Variants in PITPNC1 observed in about 807,000 individuals in gnomAD.
PITPNC1 encodes the protein cytoplasmic phosphatidylinositol transfer protein 1.
Under a neutral mutation model 44.7 loss-of-function variants are expected in PITPNC1, and 18 were observed. The observed-to-expected ratio is 0.40, with a 90% CI of 0.28 to 0.60. PITPNC1 has a LOEUF of 0.60. Among genes scored for constraint, PITPNC1 ranks in the 20% least tolerant of loss-of-function variants. The pLI, the probability that PITPNC1 is intolerant of heterozygous loss-of-function variation, is 0.39. For synonymous variants in PITPNC1, 141 were observed against 149.6 expected (o/e 0.94, Z 0.42); for missense variants, 290 against 418.4 (o/e 0.69, Z 2.68).
At chr17:67,691,964 G>A (rs867235919) in intron 8 of PITPNC1, among the ~76,000 whole-genome samples, 41 of 151,418 alleles carry the variant, frequency 2.7e-4, no homozygotes, top group African/African-American at 9.5e-4. Context: ...AGTCATGATC[G>A]CACCACTGCA....
At chr17:67,478,591 C>A (rs1340564161) in intron 1 of PITPNC1, among the ~76,000 whole-genome samples, 1 of 152,102 alleles carries the variant, frequency 6.6e-6, no homozygotes, top group Non-Finnish European at 1.5e-5. Flanking sequence ...TCTCTTCCAA[C>A]CTTCCTCCCC....
chr17:67,640,685 G>GAAAAAA (rs71139165), intron 6 of PITPNC1, among the ~76,000 whole-genome samples: 1 of 100,212 alleles, frequency 1.0e-5, no homozygotes, highest in Non-Finnish European at 1.9e-5. Flanking sequence ...TGTTGAAAAA[G>GAAAAAA]AAAAAAAAAA....
At chr17:67,528,749 T>G (rs1257566973) in intron 1 of PITPNC1, among the ~76,000 whole-genome samples, 1 of 152,146 alleles carries the variant, frequency 6.6e-6, no homozygotes, top group Non-Finnish European at 1.5e-5. Context: ...CTCCCCAGAG[T>G]CTGAATGGAG....
At chr17:67,532,567 C>T (rs550047903) in intron 1 of PITPNC1, among the ~76,000 whole-genome samples, 5 of 152,158 alleles carry the variant, frequency 3.3e-5, no homozygotes, top group African/African-American at 9.6e-5. Flanking sequence ...GCCACCCGGC[C>T]GAGCATTTGC....
intron 1 of PITPNC1, among the ~76,000 whole-genome samples, chr17:67,436,822 G>C (rs1410322430): frequency 6.8e-6 from 1 of 147,964 alleles, no homozygotes. Context: ...TTTATTGATT[G>C]TCTTCTGTAG....
At chr17:67,652,971 G>T (rs2042225649) in intron 6 of PITPNC1, among the ~76,000 whole-genome samples, 1 of 152,176 alleles carries the variant, frequency 6.6e-6, no homozygotes, top group Non-Finnish European at 1.5e-5. Flanking sequence ...CCAGTATGAT[G>T]GGTGTCCTTA....
At chr17:67,405,044 C>T (rs1023177837) in intron 1 of PITPNC1, among the ~76,000 whole-genome samples, 3 of 152,082 alleles carry the variant, frequency 2.0e-5, no homozygotes, top group East Asian at 3.9e-4. Flanking sequence ...GTCAGGAGTT[C>T]GAGGCTAGCC....
intron 5 of PITPNC1, among the ~76,000 whole-genome samples, chr17:67,620,926 G>A (rs1179763572): frequency 2.0e-5 from 3 of 152,246 alleles, no homozygotes; most frequent in Non-Finnish European, 2.9e-5. Context: ...CTAGAGCCCC[G>A]GCACCAGTAG....
chr17:67,543,627 A>G (rs1325037916), intron 2 of PITPNC1, among the ~76,000 whole-genome samples: 1 of 152,048 alleles, frequency 6.6e-6, no homozygotes, highest in Admixed American at 6.6e-5. Context: ...AGAAATGTCT[A>G]TTCCTTTGCC....
chr17:67,649,739 A>AT lies in PITPNC1; in HGVS notation c.462+17511dup, dbSNP rs577227022. Among the ~76,000 whole-genome samples, 112 of 151,290 alleles carry AT rather than the reference A, an allele frequency of 7.4e-4. 3 individuals are homozygous for AT. In the South Asian group the frequency reaches 0.021, roughly 28 times the overall value. ...ATCTCTATTTTTTTTACTAAAAAAA[A>AT]TTTTTTTTTTAATCTGGGGTCTCCA... is the stretch of plus-strand genomic sequence containing the variant. On this transcript the variant is annotated intron_variant, in intron 6 of 8. Transcript: ENST00000581322.
At chr17:67,601,900 G>A (rs2041545558) in intron 5 of PITPNC1, among the ~76,000 whole-genome samples, 1 of 152,136 alleles carries the variant, frequency 6.6e-6, no homozygotes. Context: ...ACGAGCACAC[G>A]CAGAAGGTCT....
At position 67,676,538 on chromosome 17, in the gene PITPNC1, G is replaced by A. The variant is rs1379569515; in HGVS notation, c.682+996G>A. ...TAAATAGAAAGGAACACGCCCCACC[G>A]GTGACTTAGGTTAGATCTGATTTTC... is the stretch of plus-strand genomic sequence containing the variant. On this transcript the variant is annotated intron_variant, in intron 8 of 8. Transcript: ENST00000581322. This position sits in a 1 kb window ranked among gnomAD's most constrained non-coding sequence, Gnocchi z 4.0. Among the ~76,000 whole-genome samples the A allele has an allele frequency of 2.6e-5, 4 of 152,058 alleles. No homozygotes were observed. The highest frequency in any genetic ancestry group is 3.9e-4 in the East Asian group (2 of 5,178).
intron 2 of PITPNC1, among the ~76,000 whole-genome samples, chr17:67,546,964 T>G (rs1254030226): frequency 6.6e-6 from 1 of 152,200 alleles, no homozygotes; most frequent in African/African-American, 2.4e-5. Context: ...CAGAAATCAC[T>G]GCACATAGAA....
rs1028378607 is a variant in PITPNC1 at position 67,395,350 on chromosome 17, C to T, written c.48+17148C>T. On this transcript the variant is annotated intron_variant, in intron 1 of 8. Transcript: ENST00000581322. Reference sequence around the variant, plus strand: ...AGATGGGCGGGGAGGTGTCTTGTTACATTGCCCAGGCTGGTCTCGAACTCT... The same window carrying T: ...AGATGGGCGGGGAGGTGTCTTGTTATATTGCCCAGGCTGGTCTCGAACTCT... Among the ~76,000 whole-genome samples the T allele has an allele frequency of 3.9e-5, 6 of 152,040 alleles. No individual in the cohort carries two copies. The East Asian group carries it at 1.2e-3, about 29-fold the overall frequency.
rs116781833 is a variant in PITPNC1, at chr17:67,603,057, C to A, written c.366+24800C>A. On this transcript the variant is annotated intron_variant, in intron 5 of 8. Transcript: ENST00000581322. ...CACCAGGCCCCTGGGTCACCTCTTA[C>A]ACCAGAGCCAGTGGGTTCATTTGAT... Among the ~76,000 whole-genome samples, 654 of 152,190 alleles carry A rather than the reference C, an allele frequency of 4.3e-3. 3 individuals carry two copies. The highest frequency in any genetic ancestry group is 0.015 in the African/African-American group (617 of 41,526).
At chr17:67,554,641 G>A (rs1297307738) in intron 4 of PITPNC1, among the ~76,000 whole-genome samples, 3 of 152,204 alleles carry the variant, frequency 2.0e-5, no homozygotes, top group Non-Finnish European at 4.4e-5. Context: ...GGTGGTGAGA[G>A]AAATGGAAGA....
Position 67,463,821 on chromosome 17 carries a change from C to T in PITPNC1, c.49-68981C>T, listed in dbSNP as rs572687041. Among the ~76,000 whole-genome samples the T allele has an allele frequency of 2.4e-4, 36 of 151,820 alleles. No homozygotes were observed. The South Asian group carries it at 5.8e-3, about 25-fold the overall frequency. Reference sequence around the variant, plus strand: ...ACTTGGGAGGCTGAGGTGGGAGGATCGTTTAAGCCCGAAAGGCAGAGCTTG... The same window carrying T: ...ACTTGGGAGGCTGAGGTGGGAGGATTGTTTAAGCCCGAAAGGCAGAGCTTG... On this transcript the variant is annotated intron_variant, in intron 1 of 8. Coordinates refer to ENST00000581322, the MANE Select transcript of PITPNC1 (RefSeq NM_012417.4).
chr17:67,651,599 T>A (rs1426994963), intron 6 of PITPNC1, among the ~76,000 whole-genome samples: 1 of 152,100 alleles, frequency 6.6e-6, no homozygotes, highest in African/African-American at 2.4e-5. Context: ...TTCAGTGGAT[T>A]TTACTATAAT....
rs2039334078 is a variant in PITPNC1, at chr17:67,461,306, C to T, written c.49-71496C>T. Among the ~76,000 whole-genome samples, 3 of 152,216 alleles carry T rather than the reference C, an allele frequency of 2.0e-5. No homozygotes were observed. The South Asian group carries it at 6.2e-4, about 31-fold the overall frequency. ...ATAAAATGCTTCTGGAATCTTCCTA[C>T]TGGAAGTCAAATAGATAATAGGTCC... On this transcript the variant is annotated intron_variant, in intron 1 of 8. Transcript: ENST00000581322.
Sources: gnomAD v4.1 joint callset for allele counts (sites outside exome capture counted in the v4.1 genomes callset) on GRCh38, gnomAD v4.1.1 for gene constraint, Gnocchi (gnomAD v3.1) non-coding constraint, MANE v1.5 for transcripts, NCBI Gene and HGNC (gene_info 2026-07-23, HGNC 2026-07-21) for gene names.